The following CFAP299 variants were observed in gnomAD, a reference collection of about 807,000 sequenced individuals.
The protein encoded by CFAP299 is cilia and flagella associated protein 299, also known as cilia- and flagella-associated protein 299.
In CFAP299, 21 loss-of-function variants were observed where a neutral mutation model predicts 27.0. The observed-to-expected ratio is 0.78, with a 90% CI of 0.55 to 1.12. The LOEUF (loss-of-function observed/expected upper bound fraction) is 1.12. CFAP299 is among the 50% of genes most tolerant of loss of function. The probability of loss-of-function intolerance (pLI) is 0.00; values close to 1 mark genes in which losing one functional copy is unlikely to be tolerated. For missense variants in CFAP299, 310 were observed against 276.6 expected, an observed-to-expected ratio of 1.12 and a Z score of -0.86; for synonymous variants, 104 against 98.1, an observed-to-expected ratio of 1.06 and a Z score of -0.36.
intron 2 of CFAP299, among the ~76,000 whole-genome samples, chr4:80,553,436 T>C (rs933284394): frequency 3.3e-5 from 5 of 152,248 alleles, no homozygotes; most frequent in Admixed American, 3.3e-4. Context: ...TCTGTGTCTT[T>C]GCTATTGTGA....
At chr4:80,940,976 G>A (rs1172011844) in intron 4 of CFAP299, among the ~76,000 whole-genome samples, 1 of 152,068 alleles carries the variant, frequency 6.6e-6, no homozygotes, top group African/African-American at 2.4e-5. Flanking sequence ...TTTTCCCTTT[G>A]TTTCTGTGGG....
the CFAP299 span, among the ~76,000 whole-genome samples, chr4:80,330,217 C>G: frequency 2.6e-5 from 4 of 152,128 alleles, no homozygotes; most frequent in African/African-American, 9.6e-5. Context: ...TAATTTCAAC[C>G]TCCCCTTTTC....
chr4:80,594,234 G>A (rs1736936918), intron 3 of CFAP299, among the ~76,000 whole-genome samples: 1 of 152,190 alleles, frequency 6.6e-6, no homozygotes, highest in African/African-American at 2.4e-5. Context: ...CATGACAGAA[G>A]TGGCAGCAGT....
intron 1 of CFAP299, among the ~76,000 whole-genome samples, chr4:80,351,853 A>G (rs997492531): frequency 2.0e-5 from 3 of 150,368 alleles, no homozygotes; most frequent in Non-Finnish European, 4.4e-5. Flanking sequence ...ATGTTAATAC[A>G]TTAAATTGTT....
chr4:80,740,090 C>T (rs1047649662), intron 3 of CFAP299, among the ~76,000 whole-genome samples: 3 of 152,146 alleles, frequency 2.0e-5, no homozygotes, highest in African/African-American at 4.8e-5. Flanking sequence ...TAAGCTTCCT[C>T]AAGACAGCTA....
intron 2 of CFAP299, among the ~76,000 whole-genome samples, chr4:80,401,395 C>T (rs116706136): frequency 0.012 from 1,762 of 152,242 alleles, 43 homozygotes; most frequent in African/African-American, 0.04. Flanking sequence ...GCTGTGTGCA[C>T]ACTAGGGACT....
At chr4:80,813,128 T>C (rs1729240721) in intron 3 of CFAP299, among the ~76,000 whole-genome samples, 1 of 152,120 alleles carries the variant, frequency 6.6e-6, no homozygotes. Context: ...CCAGTAGACA[T>C]ATAAAATGCT....
At chr4:80,818,051 G>A (rs1447218833) in intron 3 of CFAP299, among the ~76,000 whole-genome samples, 1 of 151,928 alleles carries the variant, frequency 6.6e-6, no homozygotes, top group Non-Finnish European at 1.5e-5. Flanking sequence ...CTCCCCATGT[G>A]TCCATGTGTT....
chr4:80,799,585 T>C (rs1172128245), intron 3 of CFAP299, among the ~76,000 whole-genome samples: 2 of 72,748 alleles, frequency 2.7e-5, no homozygotes, highest in African/African-American at 1.1e-4. Flanking sequence ...TTATAAAATA[T>C]ATTATATAAA....
intron 4 of CFAP299, among the ~76,000 whole-genome samples, chr4:80,930,272 C>A (rs1488545061): frequency 6.6e-6 from 1 of 152,138 alleles, no homozygotes; most frequent in Non-Finnish European, 1.5e-5. Context: ...CCTTCCCATA[C>A]CTCTCCCTAT....
intron 2 of CFAP299, among the ~76,000 whole-genome samples, chr4:80,412,921 C>A (rs1726798839): frequency 6.6e-6 from 1 of 152,146 alleles, no homozygotes; most frequent in Non-Finnish European, 1.5e-5. Flanking sequence ...GTGTTTAAGA[C>A]TCAGAATTTT....
At chr4:80,718,287 T>C (rs1382996972) in intron 3 of CFAP299, among the ~76,000 whole-genome samples, 1 of 152,138 alleles carries the variant, frequency 6.6e-6, no homozygotes, top group Non-Finnish European at 1.5e-5. Context: ...GTGTTCCTTC[T>C]GAGTCAAAGA....
At chr4:80,938,339 C>T (rs1335243295) in intron 4 of CFAP299, among the ~76,000 whole-genome samples, 1 of 152,188 alleles carries the variant, frequency 6.6e-6, no homozygotes, top group Non-Finnish European at 1.5e-5. Context: ...GCAAGGAACA[C>T]CTGGCCCACC....
intron 2 of CFAP299, among the ~76,000 whole-genome samples, chr4:80,426,643 C>T (rs34609164): frequency 2.0e-5 from 3 of 152,144 alleles, no homozygotes; most frequent in African/African-American, 7.2e-5. Flanking sequence ...GCCTAGGACT[C>T]TATATGTTTA....
intron 3 of CFAP299, among the ~76,000 whole-genome samples, chr4:80,777,181 A>G (rs1197683346): frequency 6.6e-6 from 1 of 152,154 alleles, no homozygotes; most frequent in Non-Finnish European, 1.5e-5. Flanking sequence ...TTACTCTTAT[A>G]GAGAAGCATT....
intron 3 of CFAP299, among the ~76,000 whole-genome samples, chr4:80,746,615 G>A (rs1156331282): frequency 1.3e-5 from 2 of 151,868 alleles, no homozygotes; most frequent in Admixed American, 6.6e-5. Context: ...TTTTTCAGGA[G>A]TAGAGATGGG....
intron 1 of CFAP299, among the ~76,000 whole-genome samples, chr4:80,340,882 T>G (rs1193991131): frequency 1.3e-5 from 2 of 152,102 alleles, no homozygotes; most frequent in Non-Finnish European, 2.9e-5. Flanking sequence ...TTCAAGCAAT[T>G]TTACTGCCCC....
intron 2 of CFAP299, among the ~76,000 whole-genome samples, chr4:80,499,222 T>C (rs879681371): frequency 2.0e-5 from 3 of 152,114 alleles, no homozygotes; most frequent in Non-Finnish European, 4.4e-5. Context: ...ATCTGTGCAT[T>C]TTCCCTCTGA....
intron 3 of CFAP299, among the ~76,000 whole-genome samples, chr4:80,672,759 C>T (rs936120299): frequency 6.6e-6 from 1 of 152,058 alleles, no homozygotes; most frequent in South Asian, 2.1e-4. Context: ...AGAATTTATC[C>T]ATTTCTTCTA....
Sources: gnomAD v4.1 joint callset for allele counts (sites outside exome capture counted in the v4.1 genomes callset) on GRCh38, gnomAD v4.1.1 for gene constraint, MANE v1.5 for transcripts, NCBI Gene and HGNC (gene_info 2026-07-23, HGNC 2026-07-21) for gene names.